SVEP1: variants seen among roughly 807,000 people sequenced by gnomAD.
SVEP1 encodes sushi, von Willebrand factor type A, EGF and pentraxin domain-containing protein 1.
SVEP1 carries 164 observed loss-of-function variants against 367.3 expected under a neutral mutation model. That is an observed-to-expected ratio of 0.45 (90% CI 0.39 to 0.51). The LOEUF (loss-of-function observed/expected upper bound fraction) is 0.51. Among genes scored for constraint, SVEP1 ranks in the 20% least tolerant of loss-of-function variants. The pLI is 0.00. For synonymous variants in SVEP1, 1,666 were observed against 1,611.6 expected (o/e 1.03, Z -0.81); for missense variants, 4,117 against 4,425.3 (o/e 0.93, Z 1.98).
chr9:110,537,929 A>G (rs1228721073), intron 3 of SVEP1, among the ~76,000 whole-genome samples: 1 of 151,832 alleles, frequency 6.6e-6, no homozygotes, highest in Admixed American at 6.6e-5. Flanking sequence ...TTGTTCACGT[A>G]TCATTTTTAT....
Position 110,400,740 on chromosome 9 carries a change from T to C in SVEP1, c.9822+114A>G. 4.4e-6 allele frequency: 5 copies of C among 1,138,462 alleles called. No homozygotes were observed. In the South Asian group the frequency reaches 5.0e-5, roughly 11 times the overall value. The allele number at this position is 1,138,462 out of a possible 1,614,324, so 70.5% of individuals were successfully genotyped here. The stretch of plus-strand genomic sequence containing the variant: ...TGTTAGAGTATAAGGGAACAAAGTA[T>C]AATAGAATCTTTTGAGACCAAAGTC... On this transcript the variant is annotated intron_variant, in intron 40 of 47. Coordinates refer to ENST00000374469, the MANE Select transcript of SVEP1 (RefSeq NM_153366.4).
chr9:110,459,225 C>T, intron 18 of SVEP1, 112 bp from the exon 19 acceptor site: 1 of 994,194 alleles, frequency 1.0e-6, no homozygotes, highest in Non-Finnish European at 1.5e-6. Context: ...TATATAATCT[C>T]TTCCATATAT....
rs1006964828 is a variant in SVEP1, at chr9:110,382,797, T to C, written c.10237+3101A>G. Among the ~76,000 whole-genome samples, 7 of 152,338 alleles carry C rather than the reference T, an allele frequency of 4.6e-5. No individual in the cohort carries two copies. In the South Asian group the frequency reaches 1.0e-3, roughly 23 times the overall value. ...TTGTTCTCTAATCTTGTCTGCCTTA[T>C]TTCAGCAAGATAGTCTTCAAACTCT... On this transcript the variant is annotated intron_variant, in intron 43 of 47. Transcript: ENST00000374469.
At chr9:110,559,347 T>C (rs1830394592) in intron 1 of SVEP1, among the ~76,000 whole-genome samples, 1 of 151,996 alleles carries the variant, frequency 6.6e-6, no homozygotes, top group South Asian at 2.1e-4. Context: ...AAAATATAAA[T>C]AATTTTTATA....
At chr9:110,454,574 T>C (rs185411881) in intron 22 of SVEP1, among the ~76,000 whole-genome samples, 12 of 152,256 alleles carry the variant, frequency 7.9e-5, no homozygotes, top group Admixed American at 6.5e-4. Flanking sequence ...CCATCAATGG[T>C]GGATTAGATA....
In SVEP1 at chr9:110,513,883, A is replaced by G. The variant is rs985878209; in HGVS notation, c.1123+65T>C. 5 of 1,512,350 alleles carry G rather than the reference A, an allele frequency of 3.3e-6. No individual in the cohort carries two copies. In the African/African-American group the frequency reaches 5.5e-5, roughly 17 times the overall value. The allele number at this position is 1,512,350 out of a possible 1,614,324, so 93.7% of individuals were successfully genotyped here. On this transcript the variant is annotated intron_variant, in intron 4 of 47. Coordinates refer to ENST00000374469, the MANE Select transcript of SVEP1 (RefSeq NM_153366.4). ...TTCTAAATGAATTAGGTGCAAACAC[A>G]AGCACTATTTCTCTCAGAGAAATCA...
chr9:110,530,953 A>G (rs1200669598), intron 3 of SVEP1, among the ~76,000 whole-genome samples: 2 of 152,212 alleles, frequency 1.3e-5, no homozygotes, highest in East Asian at 3.8e-4. Flanking sequence ...GTTAGTATAA[A>G]TGGAACTTTA....
chr9:110,401,535 A>G (rs973108340), intron 39 of SVEP1, among the ~76,000 whole-genome samples: 10 of 149,576 alleles, frequency 6.7e-5, no homozygotes, highest in African/African-American at 2.4e-4. Flanking sequence ...AAAAATTTAT[A>G]TATATATATA....
intron 1 of SVEP1, among the ~76,000 whole-genome samples, chr9:110,559,150 A>G (rs1201489835): frequency 6.6e-6 from 1 of 152,086 alleles, no homozygotes; most frequent in Non-Finnish European, 1.5e-5. Flanking sequence ...AATCAGTAGT[A>G]TTAAGTATTT....
At chr9:110,487,694 A>T (rs1301265220) in intron 9 of SVEP1, among the ~76,000 whole-genome samples, 1 of 152,224 alleles carries the variant, frequency 6.6e-6, no homozygotes, top group East Asian at 1.9e-4. Context: ...GCAAAATGTC[A>T]GTATGTTGTC....
In SVEP1 at chr9:110,514,106, G is replaced by T. The variant is rs1385390772; in HGVS notation, c.965C>A (p.Ala322Asp). ...YGKGLQYECT[A>D]CPSGTYKPEG... is the part of the protein sequence containing the mutation. ...AGGTTTGTATGTCCCCGATGGGCAA[G>T]CTGTGGGCAGACAAGCCGGAGAAGT... is the stretch of plus-strand genomic sequence containing the variant. Residue 322 changes from alanine to aspartate, a missense_variant and splice_region_variant, in exon 4 of 48, where the codon GCT becomes GAT. This residue lies in a region of SVEP1 where 2,174 missense variants were observed against 2,494.3 expected (regional missense o/e 0.87). Transcript: ENST00000374469. 6.2e-7 allele frequency: 1 copy of T among 1,608,172 alleles called. No individual in the cohort carries two copies. The highest frequency in any genetic ancestry group is 8.5e-7 in the Non-Finnish European group (1 of 1,176,970).
intron 47 of SVEP1, 130 bp from the exon 48 acceptor site, chr9:110,366,690 T>C: frequency 1.2e-6 from 1 of 801,686 alleles, no homozygotes; most frequent in South Asian, 2.6e-5. Context: ...CTGTGATGTT[T>C]ATACGGATGG....
chr9:110,568,900 G>A (rs1165202350), intron 1 of SVEP1, among the ~76,000 whole-genome samples: 1 of 152,074 alleles, frequency 6.6e-6, no homozygotes, highest in Non-Finnish European at 1.5e-5. Context: ...AGGAGTTCAA[G>A]ACCAGCCTGG....
chr9:110,379,742 G>A (rs1480972738), intron 43 of SVEP1, among the ~76,000 whole-genome samples: 1 of 152,182 alleles, frequency 6.6e-6, no homozygotes, highest in Admixed American at 6.5e-5. Context: ...AATGTTGAAG[G>A]TGAGCCTGTT....
In SVEP1 at chr9:110,427,641, C is replaced by A. The variant is rs181574559; in HGVS notation, c.5925G>T (p.Thr1975=). 148 of 1,613,812 alleles carry A rather than the reference C, an allele frequency of 9.2e-5. No individual in the cohort carries two copies. In the Admixed American group the frequency reaches 1.3e-3, roughly 14 times the overall value. Residue 1975 remains threonine (T), a synonymous_variant, in exon 36 of 48, where the codon ACG becomes ACT. Coordinates refer to ENST00000374469, the MANE Select transcript of SVEP1 (RefSeq NM_153366.4). ...EPPAIKDAVI[T]GNNFTFRNTV... ...TGTTCCTGAAAGTGAAGTTATTCCC[C>A]GTAATGACAGCATCTTTGATGGCAG...
intron 12 of SVEP1, among the ~76,000 whole-genome samples, chr9:110,480,065 C>T (rs1441665653): frequency 6.6e-6 from 1 of 152,198 alleles, no homozygotes; most frequent in East Asian, 1.9e-4. Context: ...TCATTATATT[C>T]CTGGGAATTT....
At position 110,387,424 on chromosome 9, in the gene SVEP1, A is replaced by G; in HGVS notation, c.9921T>C (p.Asn3307=). ...TCCTGTTTTCAATGTCAGCTTTCCCATTGAGAAATTCAAGTGGAGTTTCAC... is the reference window on the plus strand; with the variant it reads ...TCCTGTTTTCAATGTCAGCTTTCCCGTTGAGAAATTCAAGTGGAGTTTCAC... ...TRCETPLEFL[N]GKADIENRTT... is the part of the protein sequence containing the mutation. The change falls in exon 42 of 48, where the codon AAT becomes AAC. Residue 3307 remains asparagine, a synonymous_variant. Transcript: ENST00000374469. 6.2e-7 allele frequency: 1 copy of G among 1,611,518 alleles called. No homozygotes were observed. Among genetic ancestry groups the G allele is most frequent in the Non-Finnish European group, 8.5e-7 (1 of 1,179,322 alleles).
rs1480862091 is a variant in SVEP1 at position 110,435,283 on chromosome 9, C to A, written c.4846G>T (p.Val1616Leu). The change falls in exon 29 of 48, where the codon GTG becomes TTG. Residue 1616 changes from valine (V) to leucine (L), a missense_variant. This residue lies in a region of SVEP1 where 2,174 missense variants were observed against 2,494.3 expected (regional missense o/e 0.87). Transcript: ENST00000374469. ...TTAGAATCGATCTTCACTTTCCCCA[C>A]AATTCCTGACAAGAAATCAGGCCAT... is the stretch of plus-strand genomic sequence containing the variant. Reference protein sequence around the residue: ...LAWPDFLSGIVGKVKIDSKSI... With the variant: ...LAWPDFLSGILGKVKIDSKSI... 6.2e-7 allele frequency: 1 copy of A among 1,613,552 alleles called. No individual in the cohort carries two copies. Among genetic ancestry groups the A allele is most frequent in the African/African-American group, 1.3e-5 (1 of 75,000 alleles).
At chr9:110,434,783 C>T (rs1441851365) in intron 29 of SVEP1, among the ~76,000 whole-genome samples, 1 of 148,908 alleles carries the variant, frequency 6.7e-6, no homozygotes, top group East Asian at 2.1e-4. Context: ...CTAGGACAGT[C>T]TAAGAAACTC....
Sources: allele counts gnomAD v4.1 joint callset (sites outside exome capture counted in the v4.1 genomes callset), GRCh38; gene constraint gnomAD v4.1.1; regional missense constraint gnomAD v4.1.1; transcripts MANE v1.5; gene names NCBI Gene and HGNC (gene_info 2026-07-23, HGNC 2026-07-21).